The following ZNF732 variants were observed in gnomAD, a reference collection of about 807,000 sequenced individuals.
ZNF732 encodes zinc finger protein 732, also known as zinc finger protein LOC654254.
ZNF732 carries 12 observed loss-of-function variants against 11.5 expected under a neutral mutation model. The ratio of observed to expected loss-of-function variants is 1.05; its 90% CI spans 0.67 to 1.70. The LOEUF is 1.70. Among genes scored for constraint, ZNF732 ranks in the 40% most tolerant of loss-of-function variants. The pLI is 0.00. For missense variants in ZNF732, 702 were observed against 676.9 expected, an observed-to-expected ratio of 1.04 and a Z score of -0.41; for synonymous variants, 231 against 236.5, an observed-to-expected ratio of 0.98 and a Z score of 0.21.
At position 305,395 on chromosome 4, in the gene ZNF732, G is replaced by T; in HGVS notation, c.-85C>A. On this transcript the variant is annotated 5_prime_UTR_variant, in exon 1 of 4. Transcript: ENST00000419098. ...ACAGAGCGACGGAGGCTGAGGCTGTGACCGAATCACCGACGCCTCCCTGAG... is the reference window on the plus strand; with the variant it reads ...ACAGAGCGACGGAGGCTGAGGCTGTTACCGAATCACCGACGCCTCCCTGAG... 1 of 1,585,590 alleles carries T rather than the reference G, an allele frequency of 6.3e-7. No homozygotes were observed. Among genetic ancestry groups the T allele is most frequent in the South Asian group, 1.1e-5 (1 of 90,468 alleles).
intron 1 of ZNF732, among the ~76,000 whole-genome samples, chr4:299,960 T>G (rs2108661941): frequency 6.8e-6 from 1 of 146,586 alleles, no homozygotes; most frequent in African/African-American, 2.5e-5. Context: ...TGCCTCGGCC[T>G]CCCAAAGTGC....
In ZNF732 at chr4:299,508, CATATACGTATATATGTGTATATATACAT is replaced by C. The variant is rs1398518003; in HGVS notation, c.4-3381_4-3354del. 2.0e-4 allele frequency among the ~76,000 whole-genome samples: 13 copies of C among 64,930 alleles called. 1 individual carries two copies. The highest frequency in any genetic ancestry group is 9.1e-4 in the African/African-American group (13 of 14,248). 42.6% of individuals were successfully genotyped at this position (64,930 alleles called of 152,430 possible). The stretch of plus-strand genomic sequence containing the variant: ...ACACATATGTGTGTATATATACACA[CATATACGTATATATGTGTATATATACAT>C]ATATACACATATATATGTATATATA... On this transcript the variant is annotated intron_variant, in intron 1 of 3. Coordinates refer to ENST00000419098, the MANE Select transcript of ZNF732 (RefSeq NM_001137608.3).
intron 3 of ZNF732, among the ~76,000 whole-genome samples, chr4:276,170 A>G (rs769655299): frequency 6.6e-6 from 1 of 151,780 alleles, no homozygotes; most frequent in South Asian, 2.1e-4. Context: ...TTCAATGACT[A>G]CTCACCTAGG....
At chr4:295,403 G>T in intron 3 of ZNF732, 35 bp downstream of exon 3, 1 of 1,552,596 alleles carries the variant, frequency 6.4e-7, no homozygotes, top group Non-Finnish European at 8.8e-7. Flanking sequence ...TTGGTCCCCT[G>T]GCCTGTGTCC....
Position 272,588 on chromosome 4 carries a change from C to G in ZNF732, c.269G>C (p.Gly90Ala). Residue 90 changes from glycine (G) to alanine (A), a missense_variant, in exon 4 of 4, where the codon GGG becomes GCG. Transcript: ENST00000419098. ...AAGTTTGTGGAACGAATCTTCTATC[C>G]CCTGCACTGGCAAAAAGTCTTGGGT... ...HFTQDFLPVQ[G>A]IEDSFHKLIL... 6.4e-7 allele frequency: 1 copy of G among 1,556,932 alleles called. No homozygotes were observed. Among genetic ancestry groups the G allele is most frequent in the Non-Finnish European group, 8.6e-7 (1 of 1,156,568 alleles).
chr4:302,143 T>C (rs1179467959), intron 1 of ZNF732, among the ~76,000 whole-genome samples: 3 of 152,238 alleles, frequency 2.0e-5, no homozygotes, highest in Non-Finnish European at 4.4e-5. Flanking sequence ...TTTGTGCACC[T>C]TGCCACCAAA....
chr4:282,145 T>C (rs1457521890), intron 3 of ZNF732, among the ~76,000 whole-genome samples: 1 of 152,132 alleles, frequency 6.6e-6, no homozygotes, highest in Non-Finnish European at 1.5e-5. Context: ...AGTTCGTAAA[T>C]AGACTTTTTT....
intron 1 of ZNF732, among the ~76,000 whole-genome samples, chr4:297,719 G>A (rs1012974454): frequency 1.3e-5 from 2 of 151,204 alleles, no homozygotes; most frequent in South Asian, 2.1e-4. Flanking sequence ...AGGCACAAAA[G>A]TATATTGCTT....
chr4:271,675 T>A lies in ZNF732; in HGVS notation c.1182A>T (p.Glu394Asp). 1.2e-6 allele frequency: 2 copies of A among 1,611,542 alleles called. No individual in the cohort carries two copies. The highest frequency in any genetic ancestry group is 1.7e-6 in the Non-Finnish European group (2 of 1,178,798). The change falls in exon 4 of 4, where the codon GAA (glutamate) becomes GAT (aspartate). Residue 394 changes from glutamate to aspartate, a missense_variant. Glu to Asp is a conservative substitution (Grantham distance 45). Coordinates refer to ENST00000419098, the MANE Select transcript of ZNF732 (RefSeq NM_001137608.3). ...TGAACCGACTAAAGGCTTTTCCACA[T>A]TCTTCACATGTGTAGGGTTTCTCTC... ...HTGEKPYTCE[E>D]CGKAFSRFTT...
intron 1 of ZNF732, among the ~76,000 whole-genome samples, chr4:300,523 A>T (rs1461683639): frequency 6.6e-6 from 1 of 152,102 alleles, no homozygotes; most frequent in Non-Finnish European, 1.5e-5. Flanking sequence ...GCACACAATT[A>T]CAAAAGACAA....
intron 3 of ZNF732, among the ~76,000 whole-genome samples, chr4:293,323 C>T (rs577211756): frequency 8.9e-5 from 12 of 134,454 alleles, no homozygotes; most frequent in South Asian, 6.7e-4. Flanking sequence ...TATATATATA[C>T]ACACACACAC....
chr4:287,651 A>T (rs73217572), intron 3 of ZNF732, among the ~76,000 whole-genome samples: 42,631 of 150,616 alleles, frequency 0.28, 6,481 homozygotes, highest in South Asian at 0.41. Context: ...ATATATATAT[A>T]TTTTTTTTTG....
chr4:298,400 C>T lies in ZNF732; in HGVS notation c.4-2245G>A, dbSNP rs113056980. ...TAGCTTATGGATTAGTTTGAGTCTC[C>T]GGATCTCACTTTTCACCAAAAAAAA... is the stretch of plus-strand genomic sequence containing the variant. On this transcript the variant is annotated intron_variant, in intron 1 of 3. Transcript: ENST00000419098. Among the ~76,000 whole-genome samples the T allele has an allele frequency of 2.1e-3, 324 of 150,710 alleles. 1 individual carries two copies. Among genetic ancestry groups the T allele is most frequent in the African/African-American group, 7.4e-3 (306 of 41,346 alleles).
In ZNF732 at chr4:271,641, T is replaced by C; in HGVS notation, c.1216A>G (p.Asn406Asp). 6.2e-7 allele frequency: 1 copy of C among 1,610,818 alleles called. No individual in the cohort carries two copies. The highest frequency in any genetic ancestry group is 8.5e-7 in the Non-Finnish European group (1 of 1,178,364). Residue 406 changes from asparagine (N) to aspartate (D), a missense_variant, in exon 4 of 4, where the codon AAT becomes GAT. Asn to Asp is a conservative substitution (Grantham distance 23). Transcript: ENST00000419098. ...GKAFSRFTTL[N>D]EHKRIHTGER... Reference sequence around the variant, plus strand: ...CCAGTATGAATTCTCTTATGTTCATTAAGGGTTGTGAACCGACTAAAGGCT... The same window carrying C: ...CCAGTATGAATTCTCTTATGTTCATCAAGGGTTGTGAACCGACTAAAGGCT...
chr4:296,219 A>G, intron 1 of ZNF732, 64 bp from the exon 2 acceptor site: 2 of 1,585,436 alleles, frequency 1.3e-6, no homozygotes, highest in Non-Finnish European at 1.7e-6. Context: ...ATGAGTTAAG[A>G]GAACTAGTTC....
At chr4:292,773 G>A (rs966608679) in intron 3 of ZNF732, among the ~76,000 whole-genome samples, 4 of 150,752 alleles carry the variant, frequency 2.7e-5, no homozygotes, top group African/African-American at 2.4e-5. Context: ...AAGGCCGGGC[G>A]CAGTGGCTCA....
chr4:299,628 TTG>T (rs1720070026), intron 1 of ZNF732, among the ~76,000 whole-genome samples: 2 of 143,018 alleles, frequency 1.4e-5, no homozygotes, highest in Non-Finnish European at 3.0e-5. Flanking sequence ...AATAATATAT[TTG>T]TATATATTTA....
chr4:299,391 GTACA>G (rs1720037224), intron 1 of ZNF732, among the ~76,000 whole-genome samples: 1 of 30,752 alleles, frequency 3.3e-5, no homozygotes, highest in African/African-American at 9.7e-5. Context: ...ATACACATAT[GTACA>G]CATATGTGTA....
chr4:287,146 G>A (rs1023545698), intron 3 of ZNF732, among the ~76,000 whole-genome samples: 10 of 151,932 alleles, frequency 6.6e-5, no homozygotes, highest in Non-Finnish European at 1.0e-4. Context: ...GCAAGACTCC[G>A]TCGCAAAACA....
Sources: allele counts gnomAD v4.1 joint callset (sites outside exome capture counted in the v4.1 genomes callset), GRCh38; gene constraint gnomAD v4.1.1; transcripts MANE v1.5; gene names NCBI Gene and HGNC (gene_info 2026-07-23, HGNC 2026-07-21).